ADORA2A: variants seen among roughly 807,000 people sequenced by gnomAD.
ADORA2A encodes adenosine A2a receptor.
Under a neutral mutation model 18.4 loss-of-function variants are expected in ADORA2A, and 11 were observed. The ratio of observed to expected loss-of-function variants is 0.60; its 90% CI spans 0.38 to 0.99. The LOEUF is 0.99. Among genes scored for constraint, ADORA2A ranks in the 50% least tolerant of loss-of-function variants. The probability of loss-of-function intolerance (pLI) is 0.01; values close to 1 mark genes in which losing one functional copy is unlikely to be tolerated. For missense variants in ADORA2A, 449 were observed against 556.1 expected (o/e 0.81, Z 1.94); for synonymous variants, 218 against 237.3 (o/e 0.92, Z 0.75).
In ADORA2A at chr22:24,439,759, G is replaced by T. The variant is rs188333652; in HGVS notation, c.333-824G>T. ...TGGGAGTCGGTAGGCTTGGATTTCT[G>T]TCTGGCTCTCACTCAGGAAGACTGA... is the stretch of plus-strand genomic sequence containing the variant. On this transcript the variant is annotated intron_variant, in intron 2 of 2. Coordinates refer to ENST00000337539, the MANE Select transcript of ADORA2A (RefSeq NM_000675.6). 3.2e-4 allele frequency among the ~76,000 whole-genome samples: 48 copies of T among 152,200 alleles called. No individual in the cohort carries two copies. In the Middle Eastern group the frequency reaches 0.01, roughly 32 times the overall value.
In ADORA2A at chr22:24,433,714, A is replaced by T; in HGVS notation, c.310A>T (p.Ile104Phe). 6.2e-7 allele frequency: 1 copy of T among 1,608,122 alleles called. No individual in the cohort carries two copies. The highest frequency in any genetic ancestry group is 1.6e-4 in the Middle Eastern group (1 of 6,062). ...CCTGGCCATCGCCATTGACCGCTAC[A>T]TTGCCATCCGCATCCCGCTCCGGTG... ...SLLAIAIDRY[I>F]AIRIPLRYNG... Residue 104 changes from isoleucine to phenylalanine, a missense_variant, in exon 2 of 3, where the codon ATT (isoleucine) becomes TTT (phenylalanine). Ile to Phe is a conservative substitution (Grantham distance 21). Coordinates refer to ENST00000337539, the MANE Select transcript of ADORA2A (RefSeq NM_000675.6).
At chr22:24,429,879 AC>A (rs1568943559) in intron 1 of ADORA2A, 1 of 152,298 alleles carries the variant, frequency 6.6e-6, no homozygotes, top group Non-Finnish European at 1.5e-5. Flanking sequence ...CTCAGCAGTG[AC>A]TGGCATCGTG....
In ADORA2A at chr22:24,441,210, T is replaced by C. The variant is rs1366325306; in HGVS notation, c.960T>C (p.Ser320=). Residue 320 remains serine (S), a synonymous_variant, in exon 3 of 3, where the codon AGT becomes AGC. Transcript: ENST00000337539. ...AACCTTTCAAGGCAGCTGGCACCAG[T>C]GCCCGGGTCTTGGCAGCTCATGGCA... ...QQEPFKAAGT[S]ARVLAAHGSD... is the part of the protein sequence containing the mutation. 6.2e-7 allele frequency: 1 copy of C among 1,614,052 alleles called. No individual in the cohort carries two copies. The highest frequency in any genetic ancestry group is 8.5e-7 in the Non-Finnish European group (1 of 1,180,034).
intron 2 of ADORA2A, among the ~76,000 whole-genome samples, chr22:24,435,651 G>A (rs938758576): frequency 1.4e-4 from 22 of 152,152 alleles, no homozygotes; most frequent in African/African-American, 5.1e-4. Context: ...GCCCCTCTGA[G>A]CTCACAAAGG....
chr22:24,425,145 C>T (rs937452420), upstream of ADORA2A, among the ~76,000 whole-genome samples: 1 of 152,108 alleles, frequency 6.6e-6, no homozygotes, highest in African/African-American at 2.4e-5. Flanking sequence ...CCCGGCGGGG[C>T]ACCCTGCCGA....
At chr22:24,431,437 G>A (rs2043033850) in intron 1 of ADORA2A, 1 of 456,666 alleles carries the variant, frequency 2.2e-6, no homozygotes, top group Non-Finnish European at 4.4e-6. Context: ...GGGAAAGTTG[G>A]GGTCTGTGTG....
rs2043084044 is a variant in ADORA2A at position 24,433,169 on chromosome 22, C to G, written c.-236C>G. ...CCTGAAGCTGGGCTGAGCCATGATG[C>G]TGCTGCCAGAACCCCTGCAGAGGGC... On this transcript the variant is annotated 5_prime_UTR_variant, in exon 2 of 3. Coordinates refer to ENST00000337539, the MANE Select transcript of ADORA2A (RefSeq NM_000675.6). 2 of 585,650 alleles carry G rather than the reference C, an allele frequency of 3.4e-6. No homozygotes were observed. Among genetic ancestry groups the G allele is most frequent in the Non-Finnish European group, 3.0e-6 (1 of 328,302 alleles). 36.3% of individuals were successfully genotyped at this position (585,650 alleles called of 1,614,324 possible).
intron 2 of ADORA2A, among the ~76,000 whole-genome samples, chr22:24,436,747 A>G (rs1439267162): frequency 5.3e-5 from 8 of 152,114 alleles, no homozygotes; most frequent in Admixed American, 5.2e-4. Context: ...CAGGATTGGG[A>G]GAGAGGGCTC....
chr22:24,431,826 CA>C (rs2043044334), intron 1 of ADORA2A, among the ~76,000 whole-genome samples: 1 of 152,142 alleles, frequency 6.6e-6, no homozygotes, highest in Non-Finnish European at 1.5e-5. Context: ...GCTGGGGAAC[CA>C]AAACTTCTGC....
rs201025154 is a variant in ADORA2A at position 24,433,241 on chromosome 22, G to A, written c.-164G>A. 1.2e-4 allele frequency: 81 copies of A among 652,368 alleles called. 2 individuals carry two copies. In the South Asian group the frequency reaches 1.5e-3, roughly 12 times the overall value. The allele number at this position is 652,368 out of a possible 1,614,324, so 40.4% of individuals were successfully genotyped here. On this transcript the variant is annotated 5_prime_UTR_variant, in exon 2 of 3. Coordinates refer to ENST00000337539, the MANE Select transcript of ADORA2A (RefSeq NM_000675.6). The stretch of plus-strand genomic sequence containing the variant: ...TCCTCTGTGAAAAAGCCCTTGGAGA[G>A]CGCCCCAGCAGGGCTGCACTTGGCT...
chr22:24,434,141 T>C (rs2043117561), intron 2 of ADORA2A, among the ~76,000 whole-genome samples: 1 of 152,152 alleles, frequency 6.6e-6, no homozygotes, highest in Non-Finnish European at 1.5e-5. Flanking sequence ...CGGATGATGC[T>C]GGGGTGGAGT....
At chr22:24,431,310 T>C (rs966045754) in intron 1 of ADORA2A, 1 of 456,698 alleles carries the variant, frequency 2.2e-6, no homozygotes, top group African/African-American at 2.0e-5. Context: ...ATTCCCAGGC[T>C]CCTAGTAGGG....
At chr22:24,430,501 A>T in intron 1 of ADORA2A, 1 of 156,070 alleles carries the variant, frequency 6.4e-6, no homozygotes, top group Non-Finnish European at 1.4e-5. Flanking sequence ...GGGGGTACAC[A>T]GGCAGGTACC....
At chr22:24,438,387 A>G (rs923409422) in intron 2 of ADORA2A, 3 of 152,254 alleles carry the variant, frequency 2.0e-5, no homozygotes, top group African/African-American at 7.2e-5. Flanking sequence ...GACTATATAA[A>G]TTACTATTTG....
At position 24,441,294 on chromosome 22, in the gene ADORA2A, C is replaced by T. The variant is rs4991; in HGVS notation, c.1044C>T (p.Asn348=). 4.6e-3 allele frequency: 7,416 copies of T among 1,610,960 alleles called. 319 individuals carry two copies. The African/African-American group carries it at 0.086, about 19-fold the overall frequency. ...LNGHPPGVWA[N]GSAPHPERRP... is the part of the protein sequence containing the mutation. Reference sequence around the variant, plus strand: ...GCCACCCGCCAGGAGTGTGGGCCAACGGCAGTGCTCCCCACCCTGAGCGGA... The same window carrying T: ...GCCACCCGCCAGGAGTGTGGGCCAATGGCAGTGCTCCCCACCCTGAGCGGA... Residue 348 remains asparagine (N), a synonymous_variant, in exon 3 of 3, where the codon AAC becomes AAT. Transcript: ENST00000337539.
At chr22:24,431,907 A>G (rs575011823) in intron 1 of ADORA2A, among the ~76,000 whole-genome samples, 1 of 152,082 alleles carries the variant, frequency 6.6e-6, no homozygotes, top group African/African-American at 2.4e-5. Flanking sequence ...TTTCCTTCTC[A>G]TAGAATCATG....
chr22:24,438,599 C>T (rs2043238787), intron 2 of ADORA2A: 1 of 152,218 alleles, frequency 6.6e-6, no homozygotes, highest in Admixed American at 6.5e-5. Context: ...CGGAATGGAG[C>T]TGAGGAGCTC....
At chr22:24,435,928 C>T (rs775030120) in intron 2 of ADORA2A, among the ~76,000 whole-genome samples, 3 of 152,210 alleles carry the variant, frequency 2.0e-5, no homozygotes, top group Non-Finnish European at 4.4e-5. Context: ...GATGTTCATC[C>T]TCCCTTGAGG....
At chr22:24,425,987 G>C (rs1412447917), upstream of ADORA2A, among the ~76,000 whole-genome samples, 1 of 152,250 alleles carries the variant, frequency 6.6e-6, no homozygotes, top group Non-Finnish European at 1.5e-5. Context: ...GAACCCGGGA[G>C]GGAGGGTGTT....
Sources: gnomAD v4.1 joint callset for allele counts (sites outside exome capture counted in the v4.1 genomes callset) on GRCh38, gnomAD v4.1.1 for gene constraint, MANE v1.5 for transcripts, NCBI Gene and HGNC (gene_info 2026-07-23, HGNC 2026-07-21) for gene names.